DMD: variants seen among roughly 807,000 people sequenced by gnomAD.
DMD encodes the protein mutant dystrophin.
In DMD, 63 loss-of-function variants were observed where a neutral mutation model predicts 330.1. The ratio of observed to expected loss-of-function variants is 0.19; its 90% CI spans 0.16 to 0.24. The LOEUF is 0.24. Ranked by LOEUF, DMD falls within the 10% of genes least tolerant of loss-of-function variation. The probability of loss-of-function intolerance (pLI) is 1.00; values close to 1 mark genes in which losing one functional copy is unlikely to be tolerated. For synonymous variants in DMD, 1,223 were observed against 959.8 expected (o/e 1.27, Z -5.07); for missense variants, 3,344 against 2,684.1 (o/e 1.25, Z -5.43).
At chrX:32,528,822 G>C (rs1359121337) in intron 17 of DMD, among the ~76,000 whole-genome samples, 1 of 107,889 alleles carries the variant, frequency 9.3e-6, no homozygotes, top group East Asian at 2.9e-4. Context: ...TTGTCAACCA[G>C]AAAATGTTTA....
chrX:32,705,138 C>T (rs1002730402), intron 7 of DMD, among the ~76,000 whole-genome samples: 1 of 111,910 alleles, frequency 8.9e-6, no homozygotes, highest in Non-Finnish European at 1.9e-5. Context: ...AATAGATATA[C>T]AACATTTTAA....
chrX:31,284,590 C>CCTTCT (rs1556431735), intron 62 of DMD, among the ~76,000 whole-genome samples: 1 of 98,626 alleles, frequency 1.0e-5, no homozygotes, highest in Admixed American at 1.1e-4. Flanking sequence ...TCTTCTTCTT[C>CCTTCT]TTCTTCTTCT....
At chrX:32,226,634 T>C (rs1324455505) in intron 43 of DMD, among the ~76,000 whole-genome samples, 1 of 111,322 alleles carries the variant, frequency 9.0e-6, no homozygotes, top group Non-Finnish European at 1.9e-5. Context: ...ACAAACCCCT[T>C]ATATCTTCCA....
intron 30 of DMD, among the ~76,000 whole-genome samples, chrX:32,401,715 C>G (rs958885820): frequency 8.9e-6 from 1 of 111,957 alleles, no homozygotes; most frequent in Non-Finnish European, 1.9e-5. Flanking sequence ...TAAAAGAGTA[C>G]AACTGAATTT....
chrX:33,022,952 A>T (rs1325222830), intron 1 of DMD, among the ~76,000 whole-genome samples: 1 of 111,877 alleles, frequency 8.9e-6, no homozygotes, highest in East Asian at 2.8e-4. Context: ...GGAATTTGGC[A>T]ATGCATAACT....
chrX:32,216,197 A>G (rs971389098), intron 44 of DMD, among the ~76,000 whole-genome samples: 1 of 112,221 alleles, frequency 8.9e-6, no homozygotes, highest in African/African-American at 3.2e-5. Context: ...TGCAAAAATA[A>G]TTAAGTCTTC....
At chrX:31,349,871 C>T (rs747251046) in intron 60 of DMD, among the ~76,000 whole-genome samples, 4 of 111,179 alleles carry the variant, frequency 3.6e-5, no homozygotes, top group African/African-American at 6.5e-5. Flanking sequence ...GCAGAATTCC[C>T]GAGAGGTAAA....
intron 4 of DMD, among the ~76,000 whole-genome samples, chrX:32,834,116 G>A (rs1484302572): frequency 1.8e-5 from 2 of 111,366 alleles, no homozygotes; most frequent in African/African-American, 6.5e-5. Flanking sequence ...ATGATAAAGT[G>A]AGTCAAAGTC....
intron 47 of DMD, among the ~76,000 whole-genome samples, chrX:31,877,242 G>A (rs2093982080): frequency 1.8e-5 from 2 of 112,206 alleles, no homozygotes; most frequent in Admixed American, 1.9e-4. Flanking sequence ...TATAAGCAAA[G>A]GATTAACATC....
At chrX:31,798,085 C>T (rs1431503628) in intron 50 of DMD, among the ~76,000 whole-genome samples, 1 of 112,292 alleles carries the variant, frequency 8.9e-6, no homozygotes, top group African/African-American at 3.2e-5. Context: ...ATGGTTCTGA[C>T]ATTCAAATTG....
At chrX:32,992,136 A>T (rs914743032) in intron 2 of DMD, among the ~76,000 whole-genome samples, 1 of 112,252 alleles carries the variant, frequency 8.9e-6, no homozygotes, top group Non-Finnish European at 1.9e-5. Flanking sequence ...CTTTTGAATC[A>T]TTCTAATTGG....
At chrX:32,076,441 G>C (rs1266901349) in intron 44 of DMD, among the ~76,000 whole-genome samples, 8 of 102,575 alleles carry the variant, frequency 7.8e-5, no homozygotes, top group African/African-American at 2.6e-4. Flanking sequence ...GTGGAGTGTC[G>C]TGATCTCAGC....
intron 62 of DMD, among the ~76,000 whole-genome samples, chrX:31,285,614 TCA>T (rs1168445203): frequency 8.9e-6 from 1 of 111,928 alleles, no homozygotes; most frequent in Non-Finnish European, 1.9e-5. Context: ...TAAAATAGTT[TCA>T]GTCTTTTGTG....
intron 2 of DMD, among the ~76,000 whole-genome samples, chrX:32,908,088 A>G (rs2086880339): frequency 8.9e-6 from 1 of 111,760 alleles, no homozygotes; most frequent in Admixed American, 9.6e-5. Flanking sequence ...GCTACGAGTC[A>G]CCCTTGACCC....
intron 1 of DMD, among the ~76,000 whole-genome samples, chrX:33,038,122 A>G (rs1256550227): frequency 2.7e-5 from 3 of 112,404 alleles, no homozygotes; most frequent in African/African-American, 9.7e-5. Flanking sequence ...TGCATCTAAC[A>G]TAATAAAGAG....
At chrX:32,626,667 T>C (rs1330917448) in intron 11 of DMD, among the ~76,000 whole-genome samples, 1 of 103,590 alleles carries the variant, frequency 9.7e-6, no homozygotes, top group Non-Finnish European at 1.9e-5. Flanking sequence ...TTAAGAAAGG[T>C]ATTGGGGGCT....
intron 56 of DMD, among the ~76,000 whole-genome samples, chrX:31,504,218 A>T (rs754125325): frequency 1.1e-4 from 12 of 111,439 alleles, no homozygotes; most frequent in Non-Finnish European, 2.1e-4. Context: ...TAAGAATCTT[A>T]ATCACAGGAA....
chrX:31,967,641 G>T (rs760569098), intron 45 of DMD, among the ~76,000 whole-genome samples: 124 of 110,843 alleles, frequency 1.1e-3, no homozygotes, highest in Non-Finnish European at 2.0e-3. Flanking sequence ...GTAAATAAAG[G>T]CCAAGTCTTC....
At chrX:32,679,723 TAGA>T (rs2062235598) in intron 9 of DMD, among the ~76,000 whole-genome samples, 2 of 108,880 alleles carry the variant, frequency 1.8e-5, no homozygotes, top group Admixed American at 2.0e-4. Context: ...AATAATAAAA[TAGA>T]AGTTTTAATT....
Sources: allele counts gnomAD v4.1 joint callset (sites outside exome capture counted in the v4.1 genomes callset), GRCh38; gene constraint gnomAD v4.1.1; transcripts MANE v1.5; gene names NCBI Gene and HGNC (gene_info 2026-07-23, HGNC 2026-07-21).